C8orf34: variants seen among roughly 807,000 people sequenced by gnomAD.
C8orf34 encodes chromosome 8 open reading frame 34, also known as uncharacterized protein C8orf34.
Under a neutral mutation model 68.3 loss-of-function variants are expected in C8orf34, and 65 were observed. That is an observed-to-expected ratio of 0.95 (90% CI 0.78 to 1.17). The LOEUF is 1.17. C8orf34 is among the 50% of genes most tolerant of loss of function. The pLI, the probability that C8orf34 is intolerant of heterozygous loss-of-function variation, is 0.00. For missense variants in C8orf34, 664 were observed against 655.4 expected (o/e 1.01, Z -0.14); for synonymous variants, 244 against 241.2 (o/e 1.01, Z -0.11).
intron 11 of C8orf34, among the ~76,000 whole-genome samples, chr8:68,785,517 G>C (rs1354703479): frequency 2.0e-5 from 3 of 152,188 alleles, no homozygotes; most frequent in Admixed American, 6.5e-5. Flanking sequence ...TGCATATGTA[G>C]AGTTCCTTTA....
At chr8:68,399,506 C>A (rs1808858840) in intron 1 of C8orf34, among the ~76,000 whole-genome samples, 1 of 152,198 alleles carries the variant, frequency 6.6e-6, no homozygotes, top group African/African-American at 2.4e-5. Flanking sequence ...TCTTTTATGG[C>A]CAAATAGTAT....
chr8:68,534,481 C>T, intron 7 of C8orf34: 1 of 591,056 alleles, frequency 1.7e-6, no homozygotes, highest in South Asian at 7.4e-5. Flanking sequence ...CAATACGTCA[C>T]TACCTGTGCT....
At chr8:68,768,342 G>C (rs1823240817) in intron 10 of C8orf34, among the ~76,000 whole-genome samples, 1 of 152,080 alleles carries the variant, frequency 6.6e-6, no homozygotes, top group Non-Finnish European at 1.5e-5. Context: ...TAAAAGTCTT[G>C]GCTTATTTTA....
chr8:68,417,435 C>T (rs1365842015), intron 1 of C8orf34, among the ~76,000 whole-genome samples: 1 of 151,808 alleles, frequency 6.6e-6, no homozygotes, highest in African/African-American at 2.4e-5. Context: ...TTGTACAGCA[C>T]CCAGGAGAAT....
intron 6 of C8orf34, among the ~76,000 whole-genome samples, chr8:68,532,226 C>T (rs11993932): frequency 0.01 from 1,568 of 152,170 alleles, 35 homozygotes; most frequent in African/African-American, 0.034. Flanking sequence ...ACTATCCTCA[C>T]GAGCTTTAGA....
intron 7 of C8orf34, among the ~76,000 whole-genome samples, chr8:68,536,358 C>CAA (rs10696903): frequency 0.34 from 16,703 of 49,064 alleles, 3,096 homozygotes; most frequent in Non-Finnish European, 0.4. Flanking sequence ...GACCCTATCT[C>CAA]AAAAAAAAAA....
intron 7 of C8orf34, among the ~76,000 whole-genome samples, chr8:68,584,831 G>A (rs1353766259): frequency 1.3e-5 from 2 of 152,240 alleles, no homozygotes; most frequent in African/African-American, 2.4e-5. Flanking sequence ...CATGAATTGA[G>A]TTTTGATGAG....
intron 12 of C8orf34, chr8:68,790,844 G>A (rs1823974911): frequency 2.9e-6 from 2 of 701,514 alleles, no homozygotes; most frequent in Admixed American, 4.0e-5. Context: ...CTGTGGCTGG[G>A]ACTCTGAATT....
chr8:68,612,685 A>C (rs563702353), intron 7 of C8orf34, among the ~76,000 whole-genome samples: 7 of 152,278 alleles, frequency 4.6e-5, no homozygotes, highest in African/African-American at 1.7e-4. Flanking sequence ...AATATGCTAT[A>C]GTTACTGATT....
At chr8:68,390,849 A>T (rs762881704) in intron 1 of C8orf34, among the ~76,000 whole-genome samples, 6 of 152,174 alleles carry the variant, frequency 3.9e-5, no homozygotes, top group Non-Finnish European at 7.4e-5. Flanking sequence ...TGAAATCTGC[A>T]GGGCAGGTCG....
intron 9 of C8orf34, among the ~76,000 whole-genome samples, chr8:68,714,989 G>T (rs900557051): frequency 3.9e-5 from 6 of 152,086 alleles, no homozygotes; most frequent in African/African-American, 1.2e-4. Flanking sequence ...ACAGCCAACT[G>T]ATCTTTGACA....
At chr8:68,732,965 G>A (rs531681162) in intron 10 of C8orf34, among the ~76,000 whole-genome samples, 1 of 152,140 alleles carries the variant, frequency 6.6e-6, no homozygotes, top group Non-Finnish European at 1.5e-5. Flanking sequence ...TTGGGAGGCT[G>A]AGACAGGAGA....
At chr8:68,639,035 A>G (rs1184127436) in intron 7 of C8orf34, among the ~76,000 whole-genome samples, 1 of 152,092 alleles carries the variant, frequency 6.6e-6, no homozygotes, top group Non-Finnish European at 1.5e-5. Context: ...GGAAGAGAGT[A>G]ACAGACTCTC....
chr8:68,689,534 C>T (rs905383655), intron 8 of C8orf34, among the ~76,000 whole-genome samples: 1 of 152,096 alleles, frequency 6.6e-6, no homozygotes, highest in African/African-American at 2.4e-5. Flanking sequence ...AAGAAGCTCC[C>T]TGAAGTATGG....
At chr8:68,814,853 G>A (rs181650442) in intron 12 of C8orf34, among the ~76,000 whole-genome samples, 13 of 152,240 alleles carry the variant, frequency 8.5e-5, no homozygotes, top group East Asian at 1.9e-4. Context: ...ATTTTTAAAA[G>A]TGATTGTTCT....
intron 5 of C8orf34, among the ~76,000 whole-genome samples, chr8:68,488,428 C>T (rs893159435): frequency 1.3e-5 from 2 of 152,116 alleles, no homozygotes; most frequent in Non-Finnish European, 1.5e-5. Context: ...GGAAACCTTA[C>T]CAATAAAGCT....
At chr8:68,677,531 AT>A (rs201058768) in intron 8 of C8orf34, among the ~76,000 whole-genome samples, 1 of 151,596 alleles carries the variant, frequency 6.6e-6, no homozygotes, top group African/African-American at 2.4e-5. Flanking sequence ...GCTAAGTCTT[AT>A]TTTTTTTGTA....
In C8orf34 at chr8:68,417,368, A is replaced by T. The variant is rs1011151783; in HGVS notation, c.328-22131A>T. ...ATATTGCCGTTTGTAATAGCAAATT[A>T]GTGCCTACTGATAGACACTAATTTT... On this transcript the variant is annotated intron_variant, in intron 1 of 13. Transcript: ENST00000518698. Among the ~76,000 whole-genome samples the T allele has an allele frequency of 2.0e-5, 3 of 152,236 alleles. No homozygotes were observed. The South Asian group carries it at 6.2e-4, about 32-fold the overall frequency.
At chr8:68,678,985 A>T (rs1820280799) in intron 8 of C8orf34, among the ~76,000 whole-genome samples, 1 of 152,148 alleles carries the variant, frequency 6.6e-6, no homozygotes, top group Admixed American at 6.6e-5. Flanking sequence ...AAAAGAAATC[A>T]AGAAAGTTAT....
Sources: allele counts gnomAD v4.1 joint callset (sites outside exome capture counted in the v4.1 genomes callset), GRCh38; gene constraint gnomAD v4.1.1; transcripts MANE v1.5; gene names NCBI Gene and HGNC (gene_info 2026-07-23, HGNC 2026-07-21).